Variants in CEP85L observed in about 807,000 individuals in gnomAD.
CEP85L encodes centrosomal protein of 85 kDa-like.
Under a neutral mutation model 100.3 loss-of-function variants are expected in CEP85L, and 60 were observed. The observed-to-expected ratio is 0.60, with a 90% CI of 0.49 to 0.74. The LOEUF (loss-of-function observed/expected upper bound fraction) is 0.74, where lower values mean the gene tolerates loss of function less well. Ranked by LOEUF, CEP85L falls within the 30% of genes least tolerant of loss-of-function variation. The probability of loss-of-function intolerance (pLI) is 0.00; values close to 1 mark genes in which losing one functional copy is unlikely to be tolerated. For synonymous variants in CEP85L, 319 were observed against 322.7 expected (o/e 0.99, Z 0.12); for missense variants, 973 against 936.2 (o/e 1.04, Z -0.51).
rs1277251547 is a variant in CEP85L at position 118,651,232 on chromosome 6, C to A, written c.38G>T (p.Arg13Leu). The A allele has an allele frequency of 8.0e-6, 12 of 1,495,938 alleles. No individual in the cohort carries two copies. The highest frequency in any genetic ancestry group is 2.2e-4 in the Middle Eastern group (1 of 4,556). 92.7% of individuals were successfully genotyped at this position (1,495,938 alleles called of 1,614,324 possible). A position where few individuals can be genotyped will look rare whatever the true frequency, so the allele number is the denominator to read the frequency against. ...GRFLAPEASG[R>L]DSPGGARSFP... The stretch of plus-strand genomic sequence containing the variant: ...GCTGCGGGCTCCGCCGGGGCTATCC[C>A]GGCCGCTGGCCTCCGGAGCCAGGAA... Residue 13 changes from arginine (R) to leucine (L), a missense_variant, in exon 1 of 13, where the codon CGG becomes CTG. Coordinates refer to ENST00000368491, the MANE Select transcript of CEP85L (RefSeq NM_001042475.3).
chr6:118,495,975 C>T (rs2114633438), intron 5 of CEP85L, among the ~76,000 whole-genome samples: 1 of 152,294 alleles, frequency 6.6e-6, no homozygotes, highest in East Asian at 1.9e-4. Flanking sequence ...TTATTGCCAA[C>T]CAACACCACA....
At chr6:118,647,871 A>G (rs1775302888) in intron 1 of CEP85L, among the ~76,000 whole-genome samples, 1 of 152,262 alleles carries the variant, frequency 6.6e-6, no homozygotes, top group Non-Finnish European at 1.5e-5. Flanking sequence ...AAAGATACCA[A>G]TTGTTCTATT....
rs371393488 is a variant in CEP85L at position 118,489,271 on chromosome 6, CA to C, written c.1437+2414del. On this transcript the variant is annotated intron_variant, in intron 6 of 12. Coordinates refer to ENST00000368491, the MANE Select transcript of CEP85L (RefSeq NM_001042475.3). ...TTGCAAAAAGTGCAAAGCTCTGTCT[CA>C]AAAAAAAAAAAAAAAAATGAGAGAT... is the stretch of plus-strand genomic sequence containing the variant. Among the ~76,000 whole-genome samples, 1,232 of 127,328 alleles carry C rather than the reference CA, an allele frequency of 9.7e-3. 15 individuals carry two copies. Among genetic ancestry groups the C allele is most frequent in the African/African-American group, 0.033 (1,115 of 33,838 alleles). The allele number at this position is 127,328 out of a possible 152,430, so 83.5% of individuals were successfully genotyped here.
intron 2 of CEP85L, among the ~76,000 whole-genome samples, chr6:118,581,918 C>T (rs1357542444): frequency 6.6e-6 from 1 of 152,062 alleles, no homozygotes; most frequent in African/African-American, 2.4e-5. Flanking sequence ...TATTATCCAA[C>T]AGTTAGATCT....
At chr6:118,465,695 G>T in intron 12 of CEP85L, 127 bp from the exon 13 acceptor site, 1 of 772,254 alleles carries the variant, frequency 1.3e-6, no homozygotes, top group Non-Finnish European at 2.0e-6. Flanking sequence ...TCAGGTTCAA[G>T]TTATGTTTAA....
At chr6:118,469,855 G>A (rs1273161953) in intron 11 of CEP85L, among the ~76,000 whole-genome samples, 1 of 152,038 alleles carries the variant, frequency 6.6e-6, no homozygotes, top group Non-Finnish European at 1.5e-5. Context: ...GCCCACCTCA[G>A]GTTCCCAAAA....
At chr6:118,599,585 C>T (rs764114305) in intron 2 of CEP85L, among the ~76,000 whole-genome samples, 6 of 151,306 alleles carry the variant, frequency 4.0e-5, no homozygotes, top group Non-Finnish European at 8.9e-5. Context: ...GACTCAGTGA[C>T]TTGCTTCCAA....
In CEP85L at chr6:118,523,817, T is replaced by A; in HGVS notation, c.1124A>T (p.Glu375Val). 6.5e-7 allele frequency: 1 copy of A among 1,534,226 alleles called. No individual in the cohort carries two copies. Residue 375 changes from glutamate to valine, a missense_variant, in exon 4 of 13, where the codon GAA becomes GTA. Physicochemically the swap from Glu to Val is moderately radical, Grantham distance 121. Transcript: ENST00000368491. ...KIKEGLLRQKEIVIDRQKQQI... is the reference protein window; with the variant it reads ...KIKEGLLRQKVIVIDRQKQQI... ...ATAGACTCACCGATCGATTACAATT[T>A]CTTTCTGCCTTAGAAGTCCTTCTTT...
At chr6:118,589,761 C>A (rs975831068) in intron 2 of CEP85L, 2 of 199,062 alleles carry the variant, frequency 1.0e-5, no homozygotes, top group Non-Finnish European at 1.0e-5. Context: ...CAGGAGTTCA[C>A]GACAGTGAAA....
At chr6:118,694,618 G>A (rs569161438) in intron 1 of CEP85L, among the ~76,000 whole-genome samples, 3 of 152,178 alleles carry the variant, frequency 2.0e-5, no homozygotes, top group South Asian at 2.1e-4. Flanking sequence ...TCTCTCTCTC[G>A]AGGTATAAAG....
At chr6:118,521,366 CTTTA>C (rs1287323784) in intron 4 of CEP85L, among the ~76,000 whole-genome samples, 1 of 152,128 alleles carries the variant, frequency 6.6e-6, no homozygotes, top group Admixed American at 6.5e-5. Flanking sequence ...AGTTATGCTG[CTTTA>C]GAAACAAAAG....
At chr6:118,472,501 T>C (rs192979712) in intron 10 of CEP85L, among the ~76,000 whole-genome samples, 216 of 152,302 alleles carry the variant, frequency 1.4e-3, no homozygotes, top group African/African-American at 4.8e-3. Flanking sequence ...ACATTTCACC[T>C]AAAACATTAA....
intron 2 of CEP85L, among the ~76,000 whole-genome samples, chr6:118,629,993 A>G (rs544521083): frequency 3.3e-5 from 5 of 152,288 alleles, no homozygotes; most frequent in East Asian, 1.9e-4. Flanking sequence ...TTAGGCCACA[A>G]AGATTTTCTT....
intron 2 of CEP85L, among the ~76,000 whole-genome samples, chr6:118,612,696 T>A (rs2115236629): frequency 3.8e-5 from 4 of 105,366 alleles, no homozygotes; most frequent in Admixed American, 1.2e-4. Flanking sequence ...GGGGGGGGAC[T>A]CTCAAATCAG....
intron 1 of CEP85L, among the ~76,000 whole-genome samples, chr6:118,640,028 T>C (rs1774759785): frequency 6.6e-6 from 1 of 152,180 alleles, no homozygotes; most frequent in Admixed American, 6.5e-5. Context: ...TTAAATAATT[T>C]AGAGATCTGA....
intron 2 of CEP85L, among the ~76,000 whole-genome samples, chr6:118,604,788 TA>T (rs1179376634): frequency 6.6e-5 from 10 of 152,238 alleles, no homozygotes; most frequent in African/African-American, 2.2e-4. Context: ...AGTTTGACCT[TA>T]AAGCATTTAG....
At chr6:118,624,321 G>A (rs1340726148) in intron 2 of CEP85L, among the ~76,000 whole-genome samples, 1 of 152,064 alleles carries the variant, frequency 6.6e-6, no homozygotes, top group Non-Finnish European at 1.5e-5. Flanking sequence ...ATTATATACT[G>A]TAGCTCCTGC....
chr6:118,489,259 A>T (rs1004160155), intron 6 of CEP85L, among the ~76,000 whole-genome samples: 17 of 137,192 alleles, frequency 1.2e-4, no homozygotes, highest in Non-Finnish European at 2.2e-4. Flanking sequence ...CAAAAAGTGC[A>T]AAGCTCTGTC....
chr6:118,570,579 T>C (rs1369935237), intron 2 of CEP85L, among the ~76,000 whole-genome samples: 2 of 152,198 alleles, frequency 1.3e-5, no homozygotes, highest in African/African-American at 4.8e-5. Flanking sequence ...GAATATAGAA[T>C]TTATTCCTAA....
Sources: gnomAD v4.1 joint callset for allele counts (sites outside exome capture counted in the v4.1 genomes callset) on GRCh38, gnomAD v4.1.1 for gene constraint, MANE v1.5 for transcripts, NCBI Gene and HGNC (gene_info 2026-07-23, HGNC 2026-07-21) for gene names.